CUBN: variants seen among roughly 807,000 people sequenced by gnomAD.
CUBN encodes the protein cubilin.
CUBN carries 282 observed loss-of-function variants against 405.3 expected under a neutral mutation model. The observed-to-expected ratio is 0.70, with a 90% confidence interval of 0.63 to 0.77. The LOEUF is 0.77. Among genes scored for constraint, CUBN ranks in the 30% least tolerant of loss-of-function variants. CUBN has a pLI of 0.00. For synonymous variants in CUBN, 1,684 were observed against 1,617.0 expected (o/e 1.04, Z -0.99); for missense variants, 4,514 against 4,475.2 (o/e 1.01, Z -0.25).
intron 15 of CUBN, among the ~76,000 whole-genome samples, chr10:17,087,519 A>G (rs1836147689): frequency 8.5e-6 from 1 of 118,328 alleles, no homozygotes; most frequent in Non-Finnish European, 1.6e-5. Context: ...TCTGTCACCC[A>G]GGCTGGAGTG....
intron 54 of CUBN, among the ~76,000 whole-genome samples, chr10:16,898,066 GTATATATATA>G (rs10551726): frequency 6.9e-6 from 1 of 145,032 alleles, no homozygotes; most frequent in African/African-American, 2.5e-5. Flanking sequence ...TTTATTATAT[GTATATATATA>G]TATATATATA....
intron 26 of CUBN, 133 bp from the exon 27 acceptor site, chr10:17,041,353 T>C (rs1237982038): frequency 2.8e-6 from 2 of 708,262 alleles, no homozygotes; most frequent in African/African-American, 1.8e-5. Flanking sequence ...TGTGTATATA[T>C]GTGTGTGTAT....
At chr10:16,889,935 C>CAAAAAAAAAAAA (rs1554788544) in intron 55 of CUBN, among the ~76,000 whole-genome samples, 1,555 of 19,824 alleles carry the variant, frequency 0.078, 130 homozygotes, top group Non-Finnish European at 0.13. Flanking sequence ...GACGCCGTGT[C>CAAAAAAAAAAAA]AAAAAAAAAA....
chr10:16,934,699 T>C (rs190138956), intron 39 of CUBN, among the ~76,000 whole-genome samples: 1 of 152,320 alleles, frequency 6.6e-6, no homozygotes, highest in Non-Finnish European at 1.5e-5. Context: ...TTGACCAGTT[T>C]TGGCCAATGA....
chr10:17,022,923 G>T (rs1439056031), intron 27 of CUBN, among the ~76,000 whole-genome samples: 1 of 152,184 alleles, frequency 6.6e-6, no homozygotes, highest in Non-Finnish European at 1.5e-5. Context: ...ACATAGGTAA[G>T]ATTTCTCCAT....
At position 17,104,048 on chromosome 10, in the gene CUBN, T is replaced by C. The variant is rs577256582; in HGVS notation, c.1417+371A>G. On this transcript the variant is annotated intron_variant, in intron 12 of 66. Transcript: ENST00000377833. Reference sequence around the variant, plus strand: ...ACAGGCAACGGGAAGCCACTGTGTATCCTGGAAAGGGAGAGTGACTTGATT... The same window carrying C: ...ACAGGCAACGGGAAGCCACTGTGTACCCTGGAAAGGGAGAGTGACTTGATT... Among the ~76,000 whole-genome samples the C allele has an allele frequency of 2.6e-5, 4 of 152,304 alleles. No homozygotes were observed. In the East Asian group the frequency reaches 7.7e-4, roughly 29 times the overall value.
At chr10:17,053,798 A>G (rs1299355431) in intron 22 of CUBN, among the ~76,000 whole-genome samples, 5 of 152,158 alleles carry the variant, frequency 3.3e-5, no homozygotes, top group African/African-American at 1.2e-4. Flanking sequence ...AACATTCAGC[A>G]GCATAGACCA....
In CUBN at chr10:16,868,458, A is replaced by C. The variant is rs552363398; in HGVS notation, c.9454+1178T>G. ...TGCCTGGATTTTTCTGAGTCTTCAC[A>C]GAGTATGAGATTTGTTTGGAGAGTT... On this transcript the variant is annotated intron_variant, in intron 59 of 66. Coordinates refer to ENST00000377833, the MANE Select transcript of CUBN (RefSeq NM_001081.4). 4.6e-5 allele frequency among the ~76,000 whole-genome samples: 7 copies of C among 152,340 alleles called. No homozygotes were observed. In the East Asian group the frequency reaches 1.4e-3, roughly 29 times the overall value.
intron 22 of CUBN, among the ~76,000 whole-genome samples, chr10:17,053,416 C>A (rs966739762): frequency 1.3e-5 from 2 of 151,574 alleles, no homozygotes; most frequent in Non-Finnish European, 2.9e-5. Context: ...TATAAGAAAG[C>A]TGAAATCACT....
intron 28 of CUBN, among the ~76,000 whole-genome samples, chr10:17,015,707 C>A (rs1488775662): frequency 6.6e-6 from 1 of 152,146 alleles, no homozygotes; most frequent in African/African-American, 2.4e-5. Flanking sequence ...GACTTCTTGC[C>A]CAGAGAACCA....
chr10:17,032,284 G>A (rs1834803200), intron 27 of CUBN, among the ~76,000 whole-genome samples: 1 of 152,178 alleles, frequency 6.6e-6, no homozygotes, highest in South Asian at 2.1e-4. Flanking sequence ...TTTTCCAGGT[G>A]TGTGGATTAT....
chr10:17,054,056 G>A (rs983354150), intron 22 of CUBN, among the ~76,000 whole-genome samples: 1 of 151,996 alleles, frequency 6.6e-6, no homozygotes, highest in African/African-American at 2.4e-5. Flanking sequence ...GAGGTGGCTG[G>A]GCGCAGTGGC....
chr10:17,046,173 G>A, intron 23 of CUBN, 79 bp from the exon 24 acceptor site: 2 of 1,353,780 alleles, frequency 1.5e-6, no homozygotes, highest in Non-Finnish European at 2.1e-6. Flanking sequence ...TTTGAACTTT[G>A]GGATTGCAAA....
At chr10:16,832,952 G>T (rs1839052960) in intron 64 of CUBN, among the ~76,000 whole-genome samples, 1 of 152,094 alleles carries the variant, frequency 6.6e-6, no homozygotes, top group South Asian at 2.1e-4. Flanking sequence ...ACATTTTACA[G>T]GCCTAAGCGG....
intron 28 of CUBN, among the ~76,000 whole-genome samples, chr10:17,011,617 CG>C (rs1834189565): frequency 6.6e-6 from 1 of 152,146 alleles, no homozygotes; most frequent in African/African-American, 2.4e-5. Flanking sequence ...GCTGCTAGCT[CG>C]GGTGGCCAGC....
At chr10:17,063,138 C>T (rs920965869) in intron 22 of CUBN, among the ~76,000 whole-genome samples, 2 of 152,184 alleles carry the variant, frequency 1.3e-5, no homozygotes, top group East Asian at 3.9e-4. Context: ...CAGGACCCCC[C>T]CTCAGCAATG....
In CUBN at chr10:16,865,177, C is replaced by G. The variant is rs111526619; in HGVS notation, c.9454+4459G>C. Among the ~76,000 whole-genome samples, 90 of 150,572 alleles carry G rather than the reference C, an allele frequency of 6.0e-4. 1 individual carries two copies. Among genetic ancestry groups the G allele is most frequent in the Admixed American group, 3.0e-3 (45 of 15,088 alleles). ...TAGAGACGGGGTTTCACCATGTAGG[C>G]CAGGCTGGTCTTGGACTCCTGACCT... On this transcript the variant is annotated intron_variant, in intron 59 of 66. Coordinates refer to ENST00000377833, the MANE Select transcript of CUBN (RefSeq NM_001081.4).
chr10:16,935,328 T>C (rs1842469946), intron 39 of CUBN, among the ~76,000 whole-genome samples: 1 of 152,004 alleles, frequency 6.6e-6, no homozygotes, highest in Non-Finnish European at 1.5e-5. Flanking sequence ...ATTTTTTTAA[T>C]CTTTTGTAGA....
chr10:17,009,580 A>G (rs1360506804), intron 28 of CUBN, among the ~76,000 whole-genome samples: 2 of 152,148 alleles, frequency 1.3e-5, no homozygotes. Flanking sequence ...GGAGAAAGTA[A>G]TCAGCAAAAT....
Sources: allele counts gnomAD v4.1 joint callset (sites outside exome capture counted in the v4.1 genomes callset), GRCh38; gene constraint gnomAD v4.1.1; transcripts MANE v1.5; gene names NCBI Gene and HGNC (gene_info 2026-07-23, HGNC 2026-07-21).